DLGAP1: variants seen among roughly 807,000 people sequenced by gnomAD.
DLGAP1 encodes the protein DLG associated protein 1, also known as disks large-associated protein 1.
A neutral mutation model predicts 90.8 loss-of-function variants in DLGAP1; 11 were observed. The ratio of observed to expected loss-of-function variants is 0.12; its 90% CI spans 0.08 to 0.20. DLGAP1 has a LOEUF of 0.20. Ranked by LOEUF, DLGAP1 falls within the 10% of genes least tolerant of loss-of-function variation. The probability of loss-of-function intolerance (pLI) is 1.00; values close to 1 mark genes in which losing one functional copy is unlikely to be tolerated. For missense variants in DLGAP1, 1,050 were observed against 1,333.8 expected, an observed-to-expected ratio of 0.79 and a Z score of 3.31; for synonymous variants, 558 against 540.7, an observed-to-expected ratio of 1.03 and a Z score of -0.44.
At chr18:4,307,425 T>C (rs2080288189) in intron 1 of DLGAP1, among the ~76,000 whole-genome samples, 1 of 152,164 alleles carries the variant, frequency 6.6e-6, no homozygotes, top group South Asian at 2.1e-4. Flanking sequence ...GATTTATTCA[T>C]TTGGTAAATA....
chr18:4,210,629 G>C (rs1337578638), intron 1 of DLGAP1, among the ~76,000 whole-genome samples: 2 of 151,930 alleles, frequency 1.3e-5, no homozygotes, highest in East Asian at 3.9e-4. Context: ...GCAGATGAAA[G>C]AGGACGATGG....
intron 3 of DLGAP1, among the ~76,000 whole-genome samples, chr18:3,938,728 A>G (rs1042761374): frequency 6.6e-6 from 1 of 152,190 alleles, no homozygotes; most frequent in African/African-American, 2.4e-5. Flanking sequence ...GAAGTTCACA[A>G]GACAGCAGGG....
rs574846752 is a variant in DLGAP1, at chr18:3,976,194, T to C, written c.-73+28922A>G. ...AAACCCGTCTCTACTAAAAATACAA[T>C]AATAATAATAATAATAATAATAATA... On this transcript the variant is annotated intron_variant, in intron 3 of 12. Transcript: ENST00000315677. Among the ~76,000 whole-genome samples, 40 of 146,840 alleles carry C rather than the reference T, an allele frequency of 2.7e-4. No homozygotes were observed. In the East Asian group the frequency reaches 7.1e-3, roughly 26 times the overall value.
At chr18:4,426,003 T>TC (rs956183029) in intron 1 of DLGAP1, among the ~76,000 whole-genome samples, 3 of 152,004 alleles carry the variant, frequency 2.0e-5, no homozygotes, top group Non-Finnish European at 2.9e-5. Context: ...GCTTTTTTTT[T>TC]CTGCAAAATG....
intron 1 of DLGAP1, among the ~76,000 whole-genome samples, chr18:4,442,054 C>T (rs898225405): frequency 5.9e-5 from 9 of 152,278 alleles, no homozygotes; most frequent in East Asian, 3.9e-4. Context: ...TGCAGTGGCG[C>T]GATCTCAGCT....
chr18:4,068,151 A>G (rs549281119), intron 2 of DLGAP1, among the ~76,000 whole-genome samples: 16 of 152,032 alleles, frequency 1.1e-4, no homozygotes, highest in Non-Finnish European at 2.4e-4. Context: ...ATGGCATACT[A>G]TATACACACT....
chr18:4,113,549 T>A (rs985210476), intron 2 of DLGAP1, among the ~76,000 whole-genome samples: 1 of 152,162 alleles, frequency 6.6e-6, no homozygotes, highest in East Asian at 1.9e-4. Context: ...TTGCAAATAT[T>A]TTCTCCCATT....
chr18:4,249,808 C>T lies in DLGAP1; in HGVS notation c.-266-98521G>A, dbSNP rs2078742302. 3.3e-5 allele frequency among the ~76,000 whole-genome samples: 5 copies of T among 152,294 alleles called. No individual in the cohort carries two copies. The South Asian group carries it at 1.0e-3, about 32-fold the overall frequency. ...CTCACTATGCTCCCCAGGCTGGTCTCAAACTCCTGGGCTTAAGTGATCCTC... is the reference window on the plus strand; with the variant it reads ...CTCACTATGCTCCCCAGGCTGGTCTTAAACTCCTGGGCTTAAGTGATCCTC... On this transcript the variant is annotated intron_variant, in intron 1 of 12. Coordinates refer to ENST00000315677, the MANE Select transcript of DLGAP1 (RefSeq NM_004746.4).
rs2144282499 is a variant in DLGAP1, at chr18:4,378,029, T to C, written c.-267+76977A>G. ...TACAGAATGATATGAAATCTATCTA[T>C]TTTTGTCTATGTGTTTTTATATATA... On this transcript the variant is annotated intron_variant, in intron 1 of 12. Transcript: ENST00000315677. This position sits in a 1 kb window ranked among gnomAD's most constrained non-coding sequence, Gnocchi z 4.5. Among the ~76,000 whole-genome samples, 1 of 150,778 alleles carries C rather than the reference T, an allele frequency of 6.6e-6. No homozygotes were observed. Among genetic ancestry groups the C allele is most frequent in the South Asian group, 2.1e-4 (1 of 4,798 alleles).
At chr18:4,036,463 A>C (rs1173771374) in intron 2 of DLGAP1, among the ~76,000 whole-genome samples, 1 of 152,226 alleles carries the variant, frequency 6.6e-6, no homozygotes, top group East Asian at 1.9e-4. Context: ...CAAGTTTGAC[A>C]GTTCATTTAA....
At chr18:4,128,491 T>C (rs779777826) in intron 2 of DLGAP1, among the ~76,000 whole-genome samples, 1 of 152,204 alleles carries the variant, frequency 6.6e-6, no homozygotes, top group Non-Finnish European at 1.5e-5. Context: ...AATGTGATTA[T>C]ATTACTTGAC....
At chr18:4,118,006 C>T (rs1273594146) in intron 2 of DLGAP1, among the ~76,000 whole-genome samples, 1 of 151,782 alleles carries the variant, frequency 6.6e-6, no homozygotes, top group Admixed American at 6.6e-5. Flanking sequence ...GCCTTCATGA[C>T]CGCCAGGGTT....
rs1245044456 is a variant in DLGAP1, at chr18:3,580,695, AT to A, written c.1965+1179del. Reference sequence around the variant, plus strand: ...GCCCCTGAGGACGACGGTGGCCACAATGATCACAGTCAACCACAGGCCTCTC... The same window carrying A: ...GCCCCTGAGGACGACGGTGGCCACAAGATCACAGTCAACCACAGGCCTCTC... On this transcript the variant is annotated intron_variant, in intron 8 of 12. Transcript: ENST00000315677. 8 of 1,613,356 alleles carry A rather than the reference AT, an allele frequency of 5.0e-6. No homozygotes were observed. In the African/African-American group the frequency reaches 8.0e-5, roughly 16 times the overall value.
chr18:4,068,636 G>A (rs2075403882), intron 2 of DLGAP1, among the ~76,000 whole-genome samples: 1 of 152,078 alleles, frequency 6.6e-6, no homozygotes, highest in South Asian at 2.1e-4. Flanking sequence ...CATTTGTAGT[G>A]ACTATGTAAT....
intron 10 of DLGAP1, among the ~76,000 whole-genome samples, chr18:3,525,692 C>T (rs1032282111): frequency 6.6e-6 from 1 of 152,238 alleles, no homozygotes; most frequent in African/African-American, 2.4e-5. Flanking sequence ...AGCCACTGCG[C>T]CCCACCAGTC....
At chr18:4,161,648 A>G (rs942469765) in intron 1 of DLGAP1, among the ~76,000 whole-genome samples, 1 of 152,180 alleles carries the variant, frequency 6.6e-6, no homozygotes, top group East Asian at 1.9e-4. Context: ...TTCATTTGTT[A>G]GAGCCAAATT....
chr18:4,442,681 G>T lies in DLGAP1; in HGVS notation c.-267+12325C>A, dbSNP rs185096031. Reference sequence around the variant, plus strand: ...GCTAGAATATTTCTGCTGAAGGTTTGAATTTAAAAAGAAAAAAAAGTTAAT... The same window carrying T: ...GCTAGAATATTTCTGCTGAAGGTTTTAATTTAAAAAGAAAAAAAAGTTAAT... On this transcript the variant is annotated intron_variant, in intron 1 of 12. Transcript: ENST00000315677. 5.2e-4 allele frequency among the ~76,000 whole-genome samples: 73 copies of T among 139,952 alleles called. 1 individual carries two copies. The highest frequency in any genetic ancestry group is 1.5e-3 in the African/African-American group (57 of 39,244). 91.8% of individuals were successfully genotyped at this position (139,952 alleles called of 152,430 possible).
At position 3,833,232 on chromosome 18, in the gene DLGAP1, TCCTTCCTC is replaced by T. The variant is rs1258780215; in HGVS notation, c.958-18967_958-18960del. On this transcript the variant is annotated intron_variant, in intron 4 of 12. Transcript: ENST00000315677. ...TTCCTTCCTTCCTTCCTTCCTTCCT[TCCTTCCTC>T]CTTGTTTTTTTTTGACAGGGTCTCA... Among the ~76,000 whole-genome samples the T allele has an allele frequency of 2.9e-4, 32 of 108,932 alleles. 2 individuals are homozygous for T. The highest frequency in any genetic ancestry group is 3.4e-4 in the Non-Finnish European group (19 of 55,848). 71.5% of individuals were successfully genotyped at this position (108,932 alleles called of 152,430 possible). A position where few individuals can be genotyped will look rare whatever the true frequency, so the allele number is the denominator to read the frequency against.
At chr18:4,345,224 T>TA (rs1242763641) in intron 1 of DLGAP1, among the ~76,000 whole-genome samples, 5 of 151,670 alleles carry the variant, frequency 3.3e-5, no homozygotes, top group African/African-American at 4.8e-5. Flanking sequence ...CCCTTTTTTT[T>TA]AATCTCTCCC....
Sources: allele counts gnomAD v4.1 joint callset (sites outside exome capture counted in the v4.1 genomes callset), GRCh38; gene constraint gnomAD v4.1.1; non-coding constraint Gnocchi (gnomAD v3.1); transcripts MANE v1.5; gene names NCBI Gene and HGNC (gene_info 2026-07-23, HGNC 2026-07-21).